The following JAK1 variants were observed in gnomAD, a reference collection of about 807,000 sequenced individuals.
JAK1 encodes the protein tyrosine-protein kinase JAK1.
A neutral mutation model predicts 136.6 loss-of-function variants in JAK1; 16 were observed. The ratio of observed to expected loss-of-function variants is 0.12; its 90% CI spans 0.08 to 0.18. The LOEUF (loss-of-function observed/expected upper bound fraction) is 0.18, where lower values mean the gene tolerates loss of function less well. Ranked by LOEUF, JAK1 falls within the 10% of genes least tolerant of loss-of-function variation. The probability of loss-of-function intolerance (pLI) is 1.00; values close to 1 mark genes in which losing one functional copy is unlikely to be tolerated. For missense variants in JAK1, 859 were observed against 1,450.1 expected (o/e 0.59, Z 6.62); for synonymous variants, 492 against 519.5 (o/e 0.95, Z 0.72).
intron 21 of JAK1, 64 bp from the exon 22 acceptor site, chr1:64,838,168 C>A: frequency 1.4e-6 from 2 of 1,442,054 alleles, no homozygotes; most frequent in Non-Finnish European, 9.4e-7. Context: ...TTATCTATCA[C>A]TTCATCAGAA....
chr1:64,910,553 G>A (rs1026037848), intron 1 of JAK1, among the ~76,000 whole-genome samples: 1 of 152,154 alleles, frequency 6.6e-6, no homozygotes, highest in Non-Finnish European at 1.5e-5. Flanking sequence ...TCAACATATG[G>A]CCAGGTGTGG....
intron 2 of JAK1, among the ~76,000 whole-genome samples, chr1:64,999,276 C>G (rs1309720690): frequency 6.6e-6 from 1 of 152,210 alleles, no homozygotes; most frequent in African/African-American, 2.4e-5. Flanking sequence ...CTTCTCAGCT[C>G]TACTCTCAGT....
At chr1:64,971,350 G>A (rs555175087), upstream of JAK1, among the ~76,000 whole-genome samples, 83 of 152,258 alleles carry the variant, frequency 5.5e-4, no homozygotes, top group African/African-American at 1.9e-3. Context: ...AACGAATGAA[G>A]TTTTTCATGC....
intron 1 of JAK1, among the ~76,000 whole-genome samples, chr1:64,929,155 C>T (rs1273821131): frequency 2.0e-5 from 3 of 152,224 alleles, no homozygotes; most frequent in African/African-American, 7.2e-5. Context: ...ATCTCAGGCA[C>T]ATCTGCTGGC....
intron 1 of JAK1, among the ~76,000 whole-genome samples, chr1:64,956,129 T>A (rs1453677718): frequency 1.3e-5 from 2 of 152,266 alleles, no homozygotes; most frequent in African/African-American, 2.4e-5. Context: ...AATAGCAGAT[T>A]CAGTACTTGT....
intron 1 of JAK1, among the ~76,000 whole-genome samples, chr1:64,932,532 T>C (rs996365804): frequency 6.6e-6 from 1 of 152,222 alleles, no homozygotes; most frequent in Non-Finnish European, 1.5e-5. Flanking sequence ...CACTCACTCT[T>C]GCATCCAACA....
At chr1:64,885,578 C>A (rs1222788892) in intron 2 of JAK1, among the ~76,000 whole-genome samples, 1 of 151,896 alleles carries the variant, frequency 6.6e-6, no homozygotes, top group Non-Finnish European at 1.5e-5. Context: ...ATGGTGAAAC[C>A]CCTGTCTCCA....
intron 12 of JAK1, among the ~76,000 whole-genome samples, chr1:64,849,617 T>TCA (rs1655461321): frequency 6.6e-6 from 1 of 152,246 alleles, no homozygotes; most frequent in Non-Finnish European, 1.5e-5. Flanking sequence ...CTTGCTAACG[T>TCA]GATTACCCCC....
rs576187788 is a variant in JAK1, at chr1:65,020,312, A to G, written c.-78+24168T>C. On this transcript the variant is annotated intron_variant, in intron 2 of 25. Transcript: ENST00000671954. ...TCTTTCAAAGTGGTTGTGCTAATTT[A>G]TACTCTCAGCAACAGCCTATGAGAA... Among the ~76,000 whole-genome samples the G allele has an allele frequency of 3.0e-4, 46 of 151,674 alleles. No homozygotes were observed. The South Asian group carries it at 9.4e-3, about 31-fold the overall frequency.
intron 1 of JAK1, among the ~76,000 whole-genome samples, chr1:65,063,137 G>C (rs1395975490): frequency 6.6e-6 from 1 of 152,188 alleles, no homozygotes; most frequent in Non-Finnish European, 1.5e-5. Flanking sequence ...GTGGAGCCGT[G>C]ATTTGGTGGG....
At chr1:64,890,185 G>A (rs1261000988) in intron 1 of JAK1, among the ~76,000 whole-genome samples, 1 of 151,946 alleles carries the variant, frequency 6.6e-6, no homozygotes, top group Non-Finnish European at 1.5e-5. Flanking sequence ...TATTTCAGCA[G>A]GCAGCAGTCT....
At chr1:65,061,540 G>A (rs1177507393) in intron 1 of JAK1, among the ~76,000 whole-genome samples, 1 of 152,104 alleles carries the variant, frequency 6.6e-6, no homozygotes, top group East Asian at 1.9e-4. Flanking sequence ...TGTTGGCCAA[G>A]CAGAATATTT....
Position 64,860,168 on chromosome 1 carries a change from C to A in JAK1, c.1271G>T (p.Cys424Phe), listed in dbSNP as rs2101073087. 1 of 1,608,378 alleles carries A rather than the reference C, an allele frequency of 6.2e-7. No individual in the cohort carries two copies. Among genetic ancestry groups the A allele is most frequent in the Non-Finnish European group, 8.5e-7 (1 of 1,176,010 alleles). ...GATCAACGGGGGGGCCACGTCGGTG[C>A]AGAGGTAATGATGGGCATCTGCTGT... The part of the protein sequence containing the change: ...RLTADAHHYL[C>F]TDVAPPLIVH... The change falls in exon 9 of 25, where the codon TGC becomes TTC. Residue 424 changes from cysteine to phenylalanine, a missense_variant. This residue lies in a region of JAK1 where 409 missense variants were observed against 753.8 expected (regional missense o/e 0.54). Transcript: ENST00000342505.
At chr1:64,847,025 C>CCT in intron 13 of JAK1, 1 of 503,906 alleles carries the variant, frequency 2.0e-6, no homozygotes, top group Non-Finnish European at 3.6e-6. Flanking sequence ...CTCATGCCCA[C>CCT]CTCTCTCTCT....
intron 1 of JAK1, among the ~76,000 whole-genome samples, chr1:64,938,551 T>A (rs2100499733): frequency 6.6e-6 from 1 of 152,368 alleles, no homozygotes; most frequent in East Asian, 1.9e-4. Flanking sequence ...TGGTCATGTT[T>A]CAGCTTCATT....
intron 1 of JAK1, among the ~76,000 whole-genome samples, chr1:64,895,238 G>A (rs310257): frequency 0.21 from 32,454 of 151,934 alleles, 4,786 homozygotes; most frequent in African/African-American, 0.42. Context: ...ACACATGTGT[G>A]TATATGACAT....
chr1:65,027,318 G>A (rs1224320795), intron 2 of JAK1, among the ~76,000 whole-genome samples: 1 of 151,980 alleles, frequency 6.6e-6, no homozygotes, highest in Admixed American at 6.6e-5. Context: ...CTCCCAAAGT[G>A]CTGGGATTAC....
intron 1 of JAK1, among the ~76,000 whole-genome samples, chr1:64,913,523 A>G (rs982660390): frequency 6.6e-6 from 1 of 151,786 alleles, no homozygotes; most frequent in Non-Finnish European, 1.5e-5. Context: ...AGACACTAAT[A>G]GAACTGACTA....
At chr1:65,026,484 C>T (rs570028424) in intron 2 of JAK1, among the ~76,000 whole-genome samples, 48 of 152,252 alleles carry the variant, frequency 3.2e-4, no homozygotes, top group African/African-American at 1.1e-3. Context: ...TCTCAAAGCA[C>T]GCTGCCCCCC....
Sources: gnomAD v4.1 joint callset for allele counts (sites outside exome capture counted in the v4.1 genomes callset) on GRCh38, gnomAD v4.1.1 for gene constraint, gnomAD v4.1.1 regional missense constraint, MANE v1.5 for transcripts, NCBI Gene and HGNC (gene_info 2026-07-23, HGNC 2026-07-21) for gene names.